The following TIAM2 variants were observed in gnomAD, a reference collection of about 807,000 sequenced individuals.
TIAM2 encodes rho guanine nucleotide exchange factor TIAM2.
Under a neutral mutation model 152.9 loss-of-function variants are expected in TIAM2, and 80 were observed. That is an observed-to-expected ratio of 0.52 (90% CI 0.44 to 0.63). The LOEUF is 0.63. TIAM2 is among the 30% of genes least tolerant of loss of function. TIAM2 has a pLI of 0.00. For synonymous variants in TIAM2, 804 were observed against 838.0 expected (o/e 0.96, Z 0.70); for missense variants, 1,965 against 2,120.1 (o/e 0.93, Z 1.44).
chr6:155,106,158 C>T (rs577624889), intron 2 of TIAM2, among the ~76,000 whole-genome samples: 1 of 152,062 alleles, frequency 6.6e-6, no homozygotes, highest in East Asian at 1.9e-4. Context: ...GCGTGTATCA[C>T]CACACCTGGC....
intron 5 of TIAM2, among the ~76,000 whole-genome samples, chr6:155,138,584 C>T (rs1779612874): frequency 1.3e-5 from 2 of 152,138 alleles, no homozygotes; most frequent in African/African-American, 4.8e-5. Context: ...ATCCCTCCCC[C>T]ATTCCCCCAT....
intron 15 of TIAM2, among the ~76,000 whole-genome samples, chr6:155,223,642 C>A (rs1268076419): frequency 1.3e-5 from 2 of 149,780 alleles, no homozygotes; most frequent in East Asian, 3.9e-4. Flanking sequence ...TATTTTCTAT[C>A]ATTAGTGAAC....
chr6:155,028,114 T>C, intron 1 of TIAM2, among the ~76,000 whole-genome samples: 1 of 97,178 alleles, frequency 1.0e-5, no homozygotes, highest in Admixed American at 1.1e-4. Context: ...ATATATGTAC[T>C]GTGTTACATA....
At chr6:155,005,027 G>T in intron 1 of TIAM2, 1 of 522,598 alleles carries the variant, frequency 1.9e-6, no homozygotes, top group Non-Finnish European at 3.0e-6. Flanking sequence ...AGGCAGTCAT[G>T]GAGTAACCCA....
intron 1 of TIAM2, among the ~76,000 whole-genome samples, chr6:155,051,589 G>C (rs777936437): frequency 6.6e-6 from 1 of 151,990 alleles, no homozygotes; most frequent in African/African-American, 2.4e-5. Flanking sequence ...TGCGTTTCCT[G>C]TAAGTCTGCT....
intron 17 of TIAM2, 44 bp from the exon 18 acceptor site, chr6:155,244,614 C>T: frequency 6.2e-7 from 1 of 1,603,336 alleles, no homozygotes; most frequent in Non-Finnish European, 8.5e-7. Flanking sequence ...GTGTCCTGAA[C>T]TTCATGGCTA....
chr6:155,033,919 G>T (rs1349870075), intron 1 of TIAM2, among the ~76,000 whole-genome samples: 2 of 152,056 alleles, frequency 1.3e-5, no homozygotes, highest in Non-Finnish European at 2.9e-5. Context: ...GTTTCACTGT[G>T]TTAGCCAGGC....
chr6:155,087,029 CAGAA>C (rs1417163211), intron 1 of TIAM2, among the ~76,000 whole-genome samples: 1 of 152,080 alleles, frequency 6.6e-6, no homozygotes, highest in Non-Finnish European at 1.5e-5. Context: ...TTGCCTATAT[CAGAA>C]AGAGTGGTGA....
rs7762676 is a variant in TIAM2, at chr6:155,185,738, G to A, written c.3064+2238G>A. 1.8e-3 allele frequency among the ~76,000 whole-genome samples: 281 copies of A among 152,206 alleles called. 1 individual carries two copies. The highest frequency in any genetic ancestry group is 6.4e-3 in the African/African-American group (268 of 41,552). On this transcript the variant is annotated intron_variant, in intron 14 of 26. Coordinates refer to ENST00000682666, the MANE Select transcript of TIAM2 (RefSeq NM_012454.4). ...AATCTTGCAGGTTCTTCCACTACCA[G>A]CCTAGTGGGAGCCACTAACCCTTTC...
intron 2 of TIAM2, among the ~76,000 whole-genome samples, chr6:155,114,036 A>ATTTTTT (rs869241399): frequency 7.7e-4 from 27 of 34,906 alleles, no homozygotes; most frequent in East Asian, 1.4e-3. Context: ...ATATATATAT[A>ATTTTTT]TTTTTTTTTT....
chr6:155,077,154 T>C (rs1777979855), intron 1 of TIAM2, among the ~76,000 whole-genome samples: 1 of 152,148 alleles, frequency 6.6e-6, no homozygotes, highest in Non-Finnish European at 1.5e-5. Context: ...CTAAAGCATG[T>C]TCACTATTCT....
intron 1 of TIAM2, among the ~76,000 whole-genome samples, chr6:155,008,104 A>G (rs1778428959): frequency 6.6e-6 from 1 of 152,182 alleles, no homozygotes; most frequent in African/African-American, 2.4e-5. Context: ...GGCTTTTTCC[A>G]TTGTCTAAAG....
intron 14 of TIAM2, among the ~76,000 whole-genome samples, chr6:155,185,418 C>T (rs189045841): frequency 3.3e-5 from 5 of 151,972 alleles, no homozygotes; most frequent in East Asian, 1.9e-4. Flanking sequence ...TAAGCAACCG[C>T]GCCCGGCTGT....
Position 155,250,757 on chromosome 6 carries a change from G to T in TIAM2, c.3952-156G>T, listed in dbSNP as rs1426580884. 3.5e-6 allele frequency: 4 copies of T among 1,131,122 alleles called. No individual in the cohort carries two copies. In the East Asian group the frequency reaches 1.0e-4, roughly 29 times the overall value. The allele number at this position is 1,131,122 out of a possible 1,614,324, so 70.1% of individuals were successfully genotyped here. The stretch of plus-strand genomic sequence containing the variant: ...GGGTGCTTAACTCATATTTTCAAAA[G>T]CTCCACCGTTTAAGGCCCCATGTTT... On this transcript the variant is annotated intron_variant, in intron 21 of 26. Transcript: ENST00000682666.
At chr6:155,247,392 G>A (rs966995514) in intron 19 of TIAM2, among the ~76,000 whole-genome samples, 11 of 151,998 alleles carry the variant, frequency 7.2e-5, no homozygotes, top group Middle Eastern at 3.2e-3. Flanking sequence ...GCAGTGGCGC[G>A]ATCTTGGCTC....
intron 9 of TIAM2, among the ~76,000 whole-genome samples, chr6:155,170,576 G>C (rs1780561069): frequency 1.3e-5 from 2 of 152,160 alleles, no homozygotes; most frequent in South Asian, 4.1e-4. Context: ...ACTCTGACCT[G>C]GGTGGCAGAG....
At chr6:155,203,184 T>C (rs999527690) in intron 14 of TIAM2, among the ~76,000 whole-genome samples, 3 of 152,128 alleles carry the variant, frequency 2.0e-5, no homozygotes, top group African/African-American at 7.2e-5. Flanking sequence ...GCTTGAAGAA[T>C]TGAAAAAAAG....
chr6:155,063,781 C>CAAAAAA (rs56808026), intron 1 of TIAM2, among the ~76,000 whole-genome samples: 21 of 91,036 alleles, frequency 2.3e-4, no homozygotes, highest in South Asian at 9.2e-4. Flanking sequence ...GACTCTGTCT[C>CAAAAAA]AAAAAAAAAA....
At position 155,254,519 on chromosome 6, in the gene TIAM2, T is replaced by C. The variant is rs777101702; in HGVS notation, c.4414T>C (p.Cys1472Arg). 8 of 1,614,172 alleles carry C rather than the reference T, an allele frequency of 5.0e-6. No homozygotes were observed. The highest frequency in any genetic ancestry group is 1.6e-4 in the Middle Eastern group (1 of 6,062). ...IKCELPLEKT[C>R]KDRLVPLKNR... ...GTGTGAATTACCACTGGAGAAAACGTGTAAGGATCGCCTGGTACCTCTTAA... is the reference window on the plus strand; with the variant it reads ...GTGTGAATTACCACTGGAGAAAACGCGTAAGGATCGCCTGGTACCTCTTAA... The change falls in exon 26 of 27, where the codon TGT (cysteine) becomes CGT (arginine). Residue 1472 changes from cysteine to arginine, a missense_variant. This residue lies in a region of TIAM2 where 935 missense variants were observed against 980.0 expected (regional missense o/e 0.95). Coordinates refer to ENST00000682666, the MANE Select transcript of TIAM2 (RefSeq NM_012454.4).
Sources: allele counts gnomAD v4.1 joint callset (sites outside exome capture counted in the v4.1 genomes callset), GRCh38; gene constraint gnomAD v4.1.1; regional missense constraint gnomAD v4.1.1; transcripts MANE v1.5; gene names NCBI Gene and HGNC (gene_info 2026-07-23, HGNC 2026-07-21).